ATP8A1: variants seen among roughly 807,000 people sequenced by gnomAD.
ATP8A1 encodes ATPase phospholipid transporting 8A1.
ATP8A1 carries 90 observed loss-of-function variants against 177.7 expected under a neutral mutation model. That is an observed-to-expected ratio of 0.51 (90% CI 0.43 to 0.60). The LOEUF is 0.60. Ranked by LOEUF, ATP8A1 falls within the 20% of genes least tolerant of loss-of-function variation. The pLI, the probability that ATP8A1 is intolerant of heterozygous loss-of-function variation, is 0.00. For missense variants in ATP8A1, 1,072 were observed against 1,392.8 expected (o/e 0.77, Z 3.67); for synonymous variants, 493 against 485.9 (o/e 1.01, Z -0.19).
Position 42,408,503 on chromosome 4 carries a change from C to T in ATP8A1, c.*4413G>A, listed in dbSNP as rs1295730893. On this transcript the variant is annotated 3_prime_UTR_variant, in exon 37 of 37. Coordinates refer to ENST00000381668, the MANE Select transcript of ATP8A1 (RefSeq NM_006095.2). ...ATAACACTGCATAGAAATAATATTACTCAATTTTAATAACTATAAAACACA... is the reference window on the plus strand; with the variant it reads ...ATAACACTGCATAGAAATAATATTATTCAATTTTAATAACTATAAAACACA... 3.9e-5 allele frequency: 6 copies of T among 152,172 alleles called. No individual in the cohort carries two copies. The highest frequency in any genetic ancestry group is 3.3e-4 in the Admixed American group (5 of 15,266). The allele number at this position is 152,172 out of a possible 1,614,324, so 9.4% of individuals were successfully genotyped here. A position where few individuals can be genotyped will look rare whatever the true frequency, so the allele number is the denominator to read the frequency against.
intron 27 of ATP8A1, among the ~76,000 whole-genome samples, chr4:42,462,984 G>A (rs1719336689): frequency 6.6e-6 from 1 of 152,194 alleles, no homozygotes; most frequent in Non-Finnish European, 1.5e-5. Flanking sequence ...CTCACTTGGA[G>A]TAGCTGTATT....
intron 24 of ATP8A1, among the ~76,000 whole-genome samples, chr4:42,494,227 C>T (rs1485820162): frequency 6.8e-6 from 1 of 146,014 alleles, no homozygotes; most frequent in Non-Finnish European, 1.5e-5. Flanking sequence ...AATCCCAGCA[C>T]TTTGGGAGGC....
At chr4:42,455,687 A>G in intron 27 of ATP8A1, 88 bp from the exon 28 acceptor site, 3 of 1,119,622 alleles carry the variant, frequency 2.7e-6, no homozygotes, top group Non-Finnish European at 3.9e-6. Context: ...ACTGCTGCAT[A>G]ATAGCAGCAT....
intron 5 of ATP8A1, among the ~76,000 whole-genome samples, chr4:42,614,525 T>G (rs1190972764): frequency 6.6e-6 from 1 of 152,184 alleles, no homozygotes; most frequent in African/African-American, 2.4e-5. Context: ...CTGGAGTAGC[T>G]CTGTCCCAGG....
chr4:42,458,495 TA>T (rs1001138986), intron 27 of ATP8A1, among the ~76,000 whole-genome samples: 2 of 151,544 alleles, frequency 1.3e-5, no homozygotes, highest in African/African-American at 2.4e-5. Context: ...ATCAGAGAAA[TA>T]AAAAAAAATC....
At chr4:42,532,103 A>G (rs1727320400) in intron 20 of ATP8A1, among the ~76,000 whole-genome samples, 1 of 152,112 alleles carries the variant, frequency 6.6e-6, no homozygotes, top group Non-Finnish European at 1.5e-5. Context: ...CCCTGCCTCA[A>G]AAAAATACAC....
At chr4:42,413,082 G>A in intron 36 of ATP8A1, 69 bp from the exon 37 acceptor site, 2 of 1,332,688 alleles carry the variant, frequency 1.5e-6, no homozygotes, top group Non-Finnish European at 2.1e-6. Flanking sequence ...TGACTTTTGG[G>A]TATTCATTTT....
At chr4:42,444,505 G>A (rs1050233284) in intron 32 of ATP8A1, 73 bp downstream of exon 32, 2 of 1,422,142 alleles carry the variant, frequency 1.4e-6, no homozygotes, top group African/African-American at 1.4e-5. Flanking sequence ...TTAGAGTGAA[G>A]ACCACCACCA....
intron 1 of ATP8A1, among the ~76,000 whole-genome samples, chr4:42,644,002 C>T (rs529000301): frequency 5.6e-4 from 85 of 152,238 alleles, no homozygotes; most frequent in African/African-American, 1.9e-3. Flanking sequence ...AGGTGGCTAC[C>T]GTGTCATCTG....
chr4:42,550,056 C>A (rs1267003194), intron 18 of ATP8A1, among the ~76,000 whole-genome samples: 2 of 151,982 alleles, frequency 1.3e-5, no homozygotes, highest in Non-Finnish European at 2.9e-5. Flanking sequence ...TCCTATAAAT[C>A]CCCTTGTGCC....
At chr4:42,434,853 GCAGTA>G (rs1464404711) in intron 33 of ATP8A1, among the ~76,000 whole-genome samples, 1 of 152,208 alleles carries the variant, frequency 6.6e-6, no homozygotes, top group East Asian at 1.9e-4. Context: ...ACTAAGGTTG[GCAGTA>G]CAGTAAGTTA....
intron 30 of ATP8A1, among the ~76,000 whole-genome samples, chr4:42,449,601 T>C (rs1294285160): frequency 1.3e-5 from 2 of 152,234 alleles, no homozygotes; most frequent in African/African-American, 4.8e-5. Context: ...ACATTCCTTA[T>C]TTAAAAATGA....
chr4:42,441,277 T>G (rs1200973657), intron 33 of ATP8A1, among the ~76,000 whole-genome samples: 1 of 152,156 alleles, frequency 6.6e-6, no homozygotes, highest in African/African-American at 2.4e-5. Flanking sequence ...TTTAAGACAG[T>G]TGGCCAATTA....
At chr4:42,486,824 G>A (rs1383194156) in intron 24 of ATP8A1, among the ~76,000 whole-genome samples, 1 of 152,084 alleles carries the variant, frequency 6.6e-6, no homozygotes, top group Non-Finnish European at 1.5e-5. Context: ...AGGCTATAAG[G>A]GCTTGTAGCC....
intron 5 of ATP8A1, among the ~76,000 whole-genome samples, chr4:42,604,119 C>T (rs1431634473): frequency 6.6e-6 from 1 of 152,014 alleles, no homozygotes; most frequent in Non-Finnish European, 1.5e-5. Context: ...GTTTCCATGC[C>T]TAGAATTCTC....
intron 16 of ATP8A1, among the ~76,000 whole-genome samples, chr4:42,555,142 C>CTATCTATCT (rs1560454744): frequency 2.5e-4 from 16 of 63,708 alleles, no homozygotes; most frequent in Middle Eastern, 7.5e-3. Context: ...TCTATCTAAT[C>CTATCTATCT]TATCTATCTA....
At chr4:42,443,435 G>A (rs1716851870) in intron 33 of ATP8A1, 130 bp downstream of exon 33, 1 of 536,900 alleles carries the variant, frequency 1.9e-6, no homozygotes, top group African/African-American at 1.9e-5. Flanking sequence ...TTTAAAAACA[G>A]CTTTTAAATG....
At chr4:42,605,490 A>AC (rs2109414986) in intron 5 of ATP8A1, among the ~76,000 whole-genome samples, 1 of 152,330 alleles carries the variant, frequency 6.6e-6, no homozygotes, top group East Asian at 1.9e-4. Flanking sequence ...GAAGTGTCAC[A>AC]ACAGGCTTCT....
intron 35 of ATP8A1, 59 bp from the exon 36 acceptor site, chr4:42,414,777 G>A: frequency 1.6e-6 from 2 of 1,263,878 alleles, no homozygotes; most frequent in Non-Finnish European, 2.3e-6. Flanking sequence ...ACCCCAGTGT[G>A]CCCACAGGAC....
Sources: gnomAD v4.1 joint callset for allele counts (sites outside exome capture counted in the v4.1 genomes callset) on GRCh38, gnomAD v4.1.1 for gene constraint, MANE v1.5 for transcripts, NCBI Gene and HGNC (gene_info 2026-07-23, HGNC 2026-07-21) for gene names.